Variants in GTF3C4 observed in about 807,000 individuals in gnomAD.
The protein encoded by GTF3C4 is general transcription factor 3C polypeptide 4.
GTF3C4 carries 28 observed loss-of-function variants against 67.5 expected under a neutral mutation model. That is an observed-to-expected ratio of 0.41 (90% CI 0.31 to 0.57). The LOEUF (loss-of-function observed/expected upper bound fraction) is 0.57, where lower values mean the gene tolerates loss of function less well. Among genes scored for constraint, GTF3C4 ranks in the 20% least tolerant of loss-of-function variants. The probability of loss-of-function intolerance (pLI) is 0.21; values close to 1 mark genes in which losing one functional copy is unlikely to be tolerated. For synonymous variants in GTF3C4, 409 were observed against 393.0 expected (o/e 1.04, Z -0.48); for missense variants, 831 against 1,033.2 (o/e 0.80, Z 2.68).
rs1465128621 is a variant in GTF3C4 at position 132,689,900 on chromosome 9, G to A, written c.*955G>A. Reference sequence around the variant, plus strand: ...TCAGAAGTGAGACCCTTGAGCTCTGGTGCTGTAAGCTTGTGCAATTAAGTT... The same window carrying A: ...TCAGAAGTGAGACCCTTGAGCTCTGATGCTGTAAGCTTGTGCAATTAAGTT... On this transcript the variant is annotated 3_prime_UTR_variant, in exon 5 of 5. Coordinates refer to ENST00000372146, the MANE Select transcript of GTF3C4 (RefSeq NM_012204.4). 1.3e-5 allele frequency: 2 copies of A among 152,316 alleles called. No homozygotes were observed. Among genetic ancestry groups the A allele is most frequent in the African/African-American group, 4.8e-5 (2 of 41,552 alleles). The allele number at this position is 152,316 out of a possible 1,614,324, so 9.4% of individuals were successfully genotyped here.
Position 132,694,030 on chromosome 9 carries a change from C to G in GTF3C4, c.*5085C>G, listed in dbSNP as rs746642964. On this transcript the variant is annotated 3_prime_UTR_variant, in exon 5 of 5. Transcript: ENST00000372146. The stretch of plus-strand genomic sequence containing the variant: ...TTTTTGAAATAAACAGAACAGTCAT[C>G]TAAAAACATAAGGTTTTGGAAAGGA... The G allele has an allele frequency of 1.3e-4, 20 of 151,706 alleles. No individual in the cohort carries two copies. Among genetic ancestry groups the G allele is most frequent in the Non-Finnish European group, 2.5e-4 (17 of 67,964 alleles). 9.4% of individuals were successfully genotyped at this position (151,706 alleles called of 1,614,324 possible).
intron 1 of GTF3C4, among the ~76,000 whole-genome samples, chr9:132,674,081 T>C (rs867671896): frequency 6.6e-6 from 1 of 152,374 alleles, no homozygotes; most frequent in Middle Eastern, 3.4e-3. Context: ...CTTTGGACTC[T>C]ATTACCTGTC....
Position 132,687,345 on chromosome 9 carries a change from C to T in GTF3C4, c.2404+18C>T. 8.3e-6 allele frequency: 2 copies of T among 240,368 alleles called. No individual in the cohort carries two copies. The highest frequency in any genetic ancestry group is 1.7e-5 in the Non-Finnish European group (2 of 120,480). 14.9% of individuals were successfully genotyped at this position (240,368 alleles called of 1,614,324 possible). A position where few individuals can be genotyped will look rare whatever the true frequency, so the allele number is the denominator to read the frequency against. On this transcript the variant is annotated intron_variant, in intron 4 of 4. Transcript: ENST00000372146. ...TCCAGAAGGTGAGTGCTTTCCCTTA[C>T]TTGGGAGGGTGGGTGGGTGGAACAT...
chr9:132,681,724 A>C (rs566783314), intron 2 of GTF3C4, among the ~76,000 whole-genome samples: 49 of 152,274 alleles, frequency 3.2e-4, no homozygotes, highest in African/African-American at 8.4e-4. Flanking sequence ...TGGAAGGACT[A>C]TCACTCCCAT....
At chr9:132,670,295 A>C (rs1297587045), upstream of GTF3C4, 1 of 1,503,898 alleles carries the variant, frequency 6.6e-7, no homozygotes, top group Non-Finnish European at 8.9e-7. Context: ...TTTCCTCAGC[A>C]CTTTAGGAAC....
intron 1 of GTF3C4, among the ~76,000 whole-genome samples, chr9:132,673,018 A>T (rs2130893151): frequency 6.6e-6 from 1 of 152,130 alleles, no homozygotes; most frequent in African/African-American, 2.4e-5. Context: ...CCCCGTTTCT[A>T]CTAAAAATAC....
intron 3 of GTF3C4, 132 bp from the exon 4 acceptor site, chr9:132,687,107 A>G (rs1836041730): frequency 2.8e-6 from 2 of 720,194 alleles, no homozygotes; most frequent in Admixed American, 1.8e-5. Context: ...TGTTATGTGA[A>G]TGTATGAGTA....
chr9:132,688,671 CT>C (rs1836066028), intron 4 of GTF3C4, among the ~76,000 whole-genome samples: 1 of 152,174 alleles, frequency 6.6e-6, no homozygotes, highest in South Asian at 2.1e-4. Context: ...TTACATTTAA[CT>C]TTGTGAACCA....
chr9:132,679,553 T>A lies in GTF3C4; in HGVS notation c.1934T>A (p.Val645Glu). ...CAGGAGAGGAGCAAGGAAGGAGATGTAGAGGAGCCCACTGATGACTCGCTC... is the reference window on the plus strand; with the variant it reads ...CAGGAGAGGAGCAAGGAAGGAGATGAAGAGGAGCCCACTGATGACTCGCTC... ...GLQERSKEGD[V>E]EEPTDDSLPT... The change falls in exon 2 of 5, where the codon GTA becomes GAA. Residue 645 changes from valine to glutamate, a missense_variant. This residue lies in a region of GTF3C4 where 75 missense variants were observed against 66.4 expected (regional missense o/e 1.13). Transcript: ENST00000372146. This position sits in a 1 kb window ranked among gnomAD's most constrained non-coding sequence, Gnocchi z 5.9. 6.2e-7 allele frequency: 1 copy of A among 1,613,970 alleles called. No individual in the cohort carries two copies. Among genetic ancestry groups the A allele is most frequent in the Non-Finnish European group, 8.5e-7 (1 of 1,179,990 alleles).
chr9:132,682,442 G>A (rs890586989), intron 2 of GTF3C4, among the ~76,000 whole-genome samples: 2 of 151,158 alleles, frequency 1.3e-5, no homozygotes, highest in Admixed American at 6.6e-5. Context: ...AAATGGATTC[G>A]AAACTAGAAG....
At position 132,678,348 on chromosome 9, in the gene GTF3C4, C is replaced by T; in HGVS notation, c.729C>T (p.His243=). 2 of 1,614,192 alleles carry T rather than the reference C, an allele frequency of 1.2e-6. No individual in the cohort carries two copies. The highest frequency in any genetic ancestry group is 1.7e-6 in the Non-Finnish European group (2 of 1,180,038). ...LGDFAEFQRR[H]SMQTPVRMEW... is the part of the protein sequence containing the mutation. Reference sequence around the variant, plus strand: ...ATTTTGCTGAGTTTCAGAGGAGACACAGCATGCAGACCCCAGTCAGAATGG... The same window carrying T: ...ATTTTGCTGAGTTTCAGAGGAGACATAGCATGCAGACCCCAGTCAGAATGG... Residue 243 remains histidine, a synonymous_variant, in exon 2 of 5, where the codon CAC becomes CAT. Coordinates refer to ENST00000372146, the MANE Select transcript of GTF3C4 (RefSeq NM_012204.4). The surrounding 1 kb of genome is among the most constrained non-coding windows in gnomAD (Gnocchi z 6.5).
rs938211704 is a variant in GTF3C4 at position 132,691,467 on chromosome 9, A to G, written c.*2522A>G. 1.4e-4 allele frequency: 21 copies of G among 152,232 alleles called. No homozygotes were observed. The highest frequency in any genetic ancestry group is 5.1e-4 in the African/African-American group (21 of 41,454). The allele number at this position is 152,232 out of a possible 1,614,324, so 9.4% of individuals were successfully genotyped here. On this transcript the variant is annotated 3_prime_UTR_variant, in exon 5 of 5. Coordinates refer to ENST00000372146, the MANE Select transcript of GTF3C4 (RefSeq NM_012204.4). ...TAATAACTGTTTCAGGAACTGGAGA[A>G]ATAGTGGAAGTGCTATTGCCGCGCT...
intron 1 of GTF3C4, among the ~76,000 whole-genome samples, chr9:132,671,931 C>T (rs1457052076): frequency 6.6e-6 from 1 of 152,106 alleles, no homozygotes; most frequent in African/African-American, 2.4e-5. Context: ...TTTATGTGTT[C>T]GTAAACTCTT....
In GTF3C4 at chr9:132,679,117, G is replaced by T; in HGVS notation, c.1498G>T (p.Gly500Cys). The change falls in exon 2 of 5, where the codon GGC (glycine) becomes TGC (cysteine). Residue 500 changes from glycine to cysteine, a missense_variant. By Grantham distance (159) the Gly-to-Cys change is radical (BLOSUM62 -3). Coordinates refer to ENST00000372146, the MANE Select transcript of GTF3C4 (RefSeq NM_012204.4). The surrounding 1 kb of genome is among the most constrained non-coding windows in gnomAD (Gnocchi z 5.9). ...CATCACCACTGAGGGCATGATCAAC[G>T]GCCTCCACCCTGTTAACAAAAACTA... is the stretch of plus-strand genomic sequence containing the variant. Reference protein sequence around the residue: ...AIITTEGMINGLHPVNKNYQV... With the variant: ...AIITTEGMINCLHPVNKNYQV... 6.2e-7 allele frequency: 1 copy of T among 1,614,128 alleles called. No individual in the cohort carries two copies. The highest frequency in any genetic ancestry group is 8.5e-7 in the Non-Finnish European group (1 of 1,180,030).
intron 3 of GTF3C4, among the ~76,000 whole-genome samples, chr9:132,684,789 A>G (rs544812106): frequency 1.6e-4 from 25 of 152,248 alleles, no homozygotes; most frequent in African/African-American, 6.0e-4. Flanking sequence ...CCTGGCCACC[A>G]TATCTAAAAT....
At chr9:132,670,424 A>G (rs1298054633), upstream of GTF3C4, 1 of 1,001,046 alleles carries the variant, frequency 1.0e-6, no homozygotes, top group East Asian at 3.2e-5. Context: ...TTCCTTGGCC[A>G]CCTGGTAGGG....
chr9:132,687,156 C>T, intron 3 of GTF3C4, 83 bp from the exon 4 acceptor site: 1 of 808,286 alleles, frequency 1.2e-6, no homozygotes, highest in Admixed American at 1.7e-5. Flanking sequence ...TTTATGATAA[C>T]TCTCTGTGAT....
chr9:132,670,083 G>A, upstream of GTF3C4: 2 of 1,560,732 alleles, frequency 1.3e-6, no homozygotes, highest in Non-Finnish European at 1.7e-6. Flanking sequence ...CCCGAGGGGA[G>A]CCGGGGACGG....
At chr9:132,680,059 G>T (rs143141395) in intron 2 of GTF3C4, among the ~76,000 whole-genome samples, 1 of 152,188 alleles carries the variant, frequency 6.6e-6, no homozygotes, top group Admixed American at 6.5e-5. Flanking sequence ...GAGCTTTCCA[G>T]ACTGGATTAG....
Sources: allele counts gnomAD v4.1 joint callset (sites outside exome capture counted in the v4.1 genomes callset), GRCh38; gene constraint gnomAD v4.1.1; regional missense constraint gnomAD v4.1.1; non-coding constraint Gnocchi (gnomAD v3.1); transcripts MANE v1.5; gene names NCBI Gene and HGNC (gene_info 2026-07-23, HGNC 2026-07-21).